The following TAF8 variants were observed in gnomAD, a reference collection of about 807,000 sequenced individuals.
The protein encoded by TAF8 is transcription initiation factor TFIID subunit 8.
A neutral mutation model predicts 36.5 loss-of-function variants in TAF8; 47 were observed. The ratio of observed to expected loss-of-function variants is 1.29; its 90% CI spans 1.02 to 1.64. The LOEUF (loss-of-function observed/expected upper bound fraction) is 1.64. Among genes scored for constraint, TAF8 ranks in the 40% most tolerant of loss-of-function variants. The pLI is 0.00. For synonymous variants in TAF8, 175 were observed against 159.5 expected (o/e 1.10, Z -0.73); for missense variants, 420 against 407.6 (o/e 1.03, Z -0.26).
At chr6:42,059,369 C>T (rs1002474419) in intron 5 of TAF8, among the ~76,000 whole-genome samples, 2 of 149,108 alleles carry the variant, frequency 1.3e-5, no homozygotes, top group African/African-American at 5.0e-5. Context: ...GGCGACAGAG[C>T]GAGACTTTGT....
downstream of TAF8, among the ~76,000 whole-genome samples, chr6:42,084,429 C>T (rs1377609812): frequency 3.3e-5 from 5 of 151,990 alleles, no homozygotes; most frequent in African/African-American, 7.2e-5. Flanking sequence ...CATGTATCAA[C>T]TTATTTATTT....
At chr6:42,050,708 G>A (rs1370496151) in intron 1 of TAF8, 122 bp downstream of exon 1, 1 of 1,282,078 alleles carries the variant, frequency 7.8e-7, no homozygotes, top group African/African-American at 1.5e-5. Context: ...GACTGGCGGA[G>A]GGTGTTTTCA....
chr6:42,079,752 C>T lies in TAF8; in HGVS notation c.*2207C>T, dbSNP rs147434543. On this transcript the variant is annotated 3_prime_UTR_variant, in exon 9 of 9. Coordinates refer to ENST00000372977, the MANE Select transcript of TAF8 (RefSeq NM_138572.3). ...TTTTTTTAGTAGACACGGGATTTTG[C>T]TATGTTGCCCAGGCTGGTCTTGAAC... The T allele has an allele frequency of 6.0e-3, 3,652 of 610,272 alleles. 7 individuals are homozygous for T. The highest frequency in any genetic ancestry group is 0.011 in the Middle Eastern group (13 of 1,158). The allele number at this position is 610,272 out of a possible 1,614,324, so 37.8% of individuals were successfully genotyped here.
chr6:42,081,957 T>C lies in TAF8; in HGVS notation c.*4412T>C, dbSNP rs1219901481. 2 of 152,284 alleles carry C rather than the reference T, an allele frequency of 1.3e-5. No individual in the cohort carries two copies. Among genetic ancestry groups the C allele is most frequent in the Non-Finnish European group, 2.9e-5 (2 of 68,046 alleles). The allele number at this position is 152,284 out of a possible 1,614,324, so 9.4% of individuals were successfully genotyped here. A position where few individuals can be genotyped will look rare whatever the true frequency, so the allele number is the denominator to read the frequency against. On this transcript the variant is annotated 3_prime_UTR_variant, in exon 9 of 9. Transcript: ENST00000372977. ...GCAAAAAATGTTGAGAGAGATCCTA[T>C]GTACCCATCACCCACTTTCTCCCAG...
At chr6:42,086,887 A>G, downstream of TAF8, 1 of 884,416 alleles carries the variant, frequency 1.1e-6, no homozygotes, top group Admixed American at 2.1e-5. Context: ...CTACCCCACA[A>G]GCTTGTCAGA....
Position 42,078,340 on chromosome 6 carries a change from A to G in TAF8, c.*795A>G, listed in dbSNP as rs1765824228. 2.0e-6 allele frequency: 2 copies of G among 984,232 alleles called. No homozygotes were observed. Among genetic ancestry groups the G allele is most frequent in the African/African-American group, 1.8e-5 (1 of 57,046 alleles). 61.0% of individuals were successfully genotyped at this position (984,232 alleles called of 1,614,324 possible). ...GCTCTTTGCTGCTGTGCTTATTACAAGGAAGACTGTTTGTCCAGCGTGTAT... is the reference window on the plus strand; with the variant it reads ...GCTCTTTGCTGCTGTGCTTATTACAGGGAAGACTGTTTGTCCAGCGTGTAT... On this transcript the variant is annotated 3_prime_UTR_variant, in exon 9 of 9. Coordinates refer to ENST00000372977, the MANE Select transcript of TAF8 (RefSeq NM_138572.3).
intron 7 of TAF8, among the ~76,000 whole-genome samples, chr6:42,072,451 C>T (rs904637910): frequency 6.6e-6 from 1 of 152,202 alleles, no homozygotes; most frequent in African/African-American, 2.4e-5. Flanking sequence ...TCACCAGCCT[C>T]TTATGTAGCC....
At chr6:42,076,958 G>A (rs2127464450) in intron 7 of TAF8, 142 bp from the exon 8 acceptor site, 2 of 1,065,642 alleles carry the variant, frequency 1.9e-6, no homozygotes, top group African/African-American at 1.6e-5. Context: ...CTTCATCGGG[G>A]CAGAGATAGG....
intron 7 of TAF8, among the ~76,000 whole-genome samples, chr6:42,073,856 G>A (rs1165296348): frequency 2.0e-5 from 3 of 152,148 alleles, no homozygotes; most frequent in Non-Finnish European, 2.9e-5. Context: ...GGAAGCTGTC[G>A]CTATAGCCTA....
At chr6:42,075,220 A>G (rs1446767481) in intron 7 of TAF8, among the ~76,000 whole-genome samples, 1 of 152,178 alleles carries the variant, frequency 6.6e-6, no homozygotes, top group Non-Finnish European at 1.5e-5. Flanking sequence ...TACCCAAGGG[A>G]GGTCTGGTTG....
Position 42,074,028 on chromosome 6 carries a change from T to C in TAF8, c.781-3072T>C, listed in dbSNP as rs181282342. 7.2e-5 allele frequency among the ~76,000 whole-genome samples: 11 copies of C among 152,218 alleles called. No individual in the cohort carries two copies. The East Asian group carries it at 1.9e-3, about 27-fold the overall frequency. ...GGAGTGTGCCAGGTGTGGTGGTGCA[T>C]GCCCATAGTTGCAGTCACTTGGGAA... On this transcript the variant is annotated intron_variant, in intron 7 of 8. Transcript: ENST00000372977.
rs1765889123 is a variant in TAF8, at chr6:42,080,441, C to T, written c.*2896C>T. On this transcript the variant is annotated 3_prime_UTR_variant, in exon 9 of 9. Coordinates refer to ENST00000372977, the MANE Select transcript of TAF8 (RefSeq NM_138572.3). Reference sequence around the variant, plus strand: ...AGGCTGGAGTGCAATGGCGTGATCTCGGCTCACTGCAACCTCCACCTCCTG... The same window carrying T: ...AGGCTGGAGTGCAATGGCGTGATCTTGGCTCACTGCAACCTCCACCTCCTG... 5 of 804,880 alleles carry T rather than the reference C, an allele frequency of 6.2e-6. No homozygotes were observed. The highest frequency in any genetic ancestry group is 6.0e-6 in the Non-Finnish European group (4 of 667,528). The allele number at this position is 804,880 out of a possible 1,614,324, so 49.9% of individuals were successfully genotyped here. A position where few individuals can be genotyped will look rare whatever the true frequency, so the allele number is the denominator to read the frequency against.
At chr6:42,053,593 A>G (rs1764876806) in intron 2 of TAF8, among the ~76,000 whole-genome samples, 2 of 151,976 alleles carry the variant, frequency 1.3e-5, no homozygotes, top group Non-Finnish European at 2.9e-5. Context: ...AAAAAAGAAG[A>G]AGAAATTTTG....
Position 42,055,613 on chromosome 6 carries a change from C to T in TAF8, c.285C>T (p.Val95=). The change falls in exon 3 of 9, where the codon GTC becomes GTT. Residue 95 remains valine (V), a synonymous_variant. Transcript: ENST00000372977. ...RTQPTLSDIV[V]TLVEMGFNVD... is the part of the protein sequence containing the mutation. ...AGCCCACACTGTCCGATATCGTGGT[C>T]ACACTTGTTGAGATGGGTGAGTATA... 3.7e-6 allele frequency: 6 copies of T among 1,614,016 alleles called. No individual in the cohort carries two copies. The South Asian group carries it at 6.6e-5, about 18-fold the overall frequency.
downstream of TAF8, chr6:42,086,716 C>G (rs1423342318): frequency 1.9e-6 from 3 of 1,551,234 alleles, no homozygotes; most frequent in South Asian, 1.2e-5. Context: ...CTACGTTCCT[C>G]AGGCCAGATA....
At chr6:42,072,978 C>T (rs142631319) in intron 7 of TAF8, among the ~76,000 whole-genome samples, 1,822 of 152,310 alleles carry the variant, frequency 0.012, 44 homozygotes, top group African/African-American at 0.04. Context: ...CCGCCTCAGC[C>T]TCCCAAAGTG....
chr6:42,062,363 T>A (rs1259428658), intron 5 of TAF8, among the ~76,000 whole-genome samples: 1 of 152,116 alleles, frequency 6.6e-6, no homozygotes, highest in East Asian at 1.9e-4. Context: ...CACATCAGTA[T>A]GATTTTAATG....
Position 42,081,408 on chromosome 6 carries a change from G to A in TAF8, c.*3863G>A, listed in dbSNP as rs545597540. ...TCTGTCGCCCAGGCTGGATTGCAGT[G>A]GATTGTCAAGATTGCAGTGGTGCAA... On this transcript the variant is annotated 3_prime_UTR_variant, in exon 9 of 9. Coordinates refer to ENST00000372977, the MANE Select transcript of TAF8 (RefSeq NM_138572.3). 2 of 151,948 alleles carry A rather than the reference G, an allele frequency of 1.3e-5. No homozygotes were observed. The highest frequency in any genetic ancestry group is 4.8e-5 in the African/African-American group (2 of 41,412). The allele number at this position is 151,948 out of a possible 1,614,324, so 9.4% of individuals were successfully genotyped here.
At chr6:42,072,052 G>A (rs548699080) in intron 7 of TAF8, among the ~76,000 whole-genome samples, 18 of 152,284 alleles carry the variant, frequency 1.2e-4, no homozygotes, top group Admixed American at 3.9e-4. Context: ...CTTGCCACAT[G>A]TGTGACCGTG....
Sources: allele counts gnomAD v4.1 joint callset (sites outside exome capture counted in the v4.1 genomes callset), GRCh38; gene constraint gnomAD v4.1.1; transcripts MANE v1.5; gene names NCBI Gene and HGNC (gene_info 2026-07-23, HGNC 2026-07-21).